CSMD1: variants seen among roughly 807,000 people sequenced by gnomAD.
The protein encoded by CSMD1 is CUB and sushi domain-containing protein 1.
A neutral mutation model predicts 417.5 loss-of-function variants in CSMD1; 213 were observed. The observed-to-expected ratio is 0.51, with a 90% CI of 0.46 to 0.57. The LOEUF is 0.57. Ranked by LOEUF, CSMD1 falls within the 20% of genes least tolerant of loss-of-function variation. The probability of loss-of-function intolerance (pLI) is 0.00; values close to 1 mark genes in which losing one functional copy is unlikely to be tolerated. For missense variants in CSMD1, 6,923 were observed against 4,529.7 expected, an observed-to-expected ratio of 1.53 and a Z score of -15.17; for synonymous variants, 2,862 against 1,736.8, an observed-to-expected ratio of 1.65 and a Z score of -16.11.
At position 4,669,815 on chromosome 8, in the gene CSMD1, T is replaced by C. The variant is rs931151843; in HGVS notation, c.86-32257A>G. Reference sequence around the variant, plus strand: ...GGAGAATGATTTAAGTAGCAATATTTGGAAAGACATCCAAGAAGAATGGTT... The same window carrying C: ...GGAGAATGATTTAAGTAGCAATATTCGGAAAGACATCCAAGAAGAATGGTT... On this transcript the variant is annotated intron_variant, in intron 1 of 69. Coordinates refer to ENST00000635120, the MANE Select transcript of CSMD1 (RefSeq NM_033225.6). Among the ~76,000 whole-genome samples the C allele has an allele frequency of 3.9e-5, 6 of 152,334 alleles. No homozygotes were observed. The East Asian group carries it at 7.7e-4, about 20-fold the overall frequency.
intron 5 of CSMD1, among the ~76,000 whole-genome samples, chr8:3,981,500 T>TA (rs200296436): frequency 0.13 from 14,236 of 113,604 alleles, 1,037 homozygotes; most frequent in African/African-American, 0.16. Context: ...TAGAAAAAAG[T>TA]AAAAAAAAAA....
At chr8:3,286,600 T>C (rs1352974118) in intron 25 of CSMD1, among the ~76,000 whole-genome samples, 2 of 152,206 alleles carry the variant, frequency 1.3e-5, no homozygotes, top group East Asian at 3.9e-4. Flanking sequence ...TTTTTTCATA[T>C]GTTTTTTGGC....
intron 25 of CSMD1, among the ~76,000 whole-genome samples, chr8:3,298,968 C>G (rs1804177432): frequency 1.3e-5 from 2 of 152,134 alleles, no homozygotes; most frequent in Non-Finnish European, 2.9e-5. Context: ...GAGAAGCTTA[C>G]ACAGAAAAAC....
intron 5 of CSMD1, among the ~76,000 whole-genome samples, chr8:3,776,980 C>T (rs1008337126): frequency 6.6e-6 from 1 of 151,992 alleles, no homozygotes; most frequent in African/African-American, 2.4e-5. Flanking sequence ...TCCCATAGTG[C>T]TGGGATTACA....
At chr8:3,611,531 T>C (rs1801894254) in intron 8 of CSMD1, among the ~76,000 whole-genome samples, 1 of 151,700 alleles carries the variant, frequency 6.6e-6, no homozygotes, top group Admixed American at 6.6e-5. Flanking sequence ...TCAAGGAAAA[T>C]GACAAAATTT....
At chr8:3,459,838 A>G (rs1210054118) in intron 12 of CSMD1, among the ~76,000 whole-genome samples, 2 of 152,136 alleles carry the variant, frequency 1.3e-5, no homozygotes, top group African/African-American at 4.8e-5. Flanking sequence ...ACTGGGCTAT[A>G]ATTCCTCAAA....
chr8:2,944,742 T>C (rs974472953), intron 68 of CSMD1, among the ~76,000 whole-genome samples: 2 of 152,220 alleles, frequency 1.3e-5, no homozygotes, highest in Non-Finnish European at 2.9e-5. Flanking sequence ...AAATATCTTT[T>C]AGTTTCCATT....
chr8:4,012,542 C>G (rs763394795), intron 4 of CSMD1, among the ~76,000 whole-genome samples: 1 of 152,130 alleles, frequency 6.6e-6, no homozygotes, highest in African/African-American at 2.4e-5. Context: ...GTGATCACAG[C>G]ACCTGGCAGG....
intron 7 of CSMD1, among the ~76,000 whole-genome samples, chr8:3,631,535 T>C (rs1047863646): frequency 2.6e-5 from 4 of 152,116 alleles, no homozygotes; most frequent in African/African-American, 9.7e-5. Context: ...AGGAAAATGT[T>C]CCAAAATAGA....
At chr8:3,301,949 A>G (rs975302920) in intron 25 of CSMD1, among the ~76,000 whole-genome samples, 3 of 152,114 alleles carry the variant, frequency 2.0e-5, no homozygotes, top group Admixed American at 1.3e-4. Flanking sequence ...CTTTTTTTTC[A>G]GTGTCTCGTC....
chr8:3,386,171 G>A (rs1020677892), intron 18 of CSMD1, among the ~76,000 whole-genome samples: 1 of 152,124 alleles, frequency 6.6e-6, no homozygotes, highest in Non-Finnish European at 1.5e-5. Flanking sequence ...AAAGAAAAAT[G>A]CCTCAGCTCA....
intron 3 of CSMD1, among the ~76,000 whole-genome samples, chr8:4,063,599 C>T (rs1344901728): frequency 6.6e-6 from 1 of 152,144 alleles, no homozygotes; most frequent in Non-Finnish European, 1.5e-5. Flanking sequence ...GACAAGGTGC[C>T]ACGTACGTTT....
chr8:4,087,867 A>G (rs1012777458), intron 3 of CSMD1, among the ~76,000 whole-genome samples: 2 of 152,082 alleles, frequency 1.3e-5, no homozygotes, highest in African/African-American at 2.4e-5. Context: ...ACCTAGGTGA[A>G]TTTCTACCCT....
At chr8:3,317,729 T>A (rs1457900161) in intron 23 of CSMD1, among the ~76,000 whole-genome samples, 1 of 152,240 alleles carries the variant, frequency 6.6e-6, no homozygotes, top group Non-Finnish European at 1.5e-5. Context: ...TCATGCCTTG[T>A]ACACATTTTA....
chr8:3,849,949 G>A (rs184167545), intron 5 of CSMD1, among the ~76,000 whole-genome samples: 241 of 144,156 alleles, frequency 1.7e-3, no homozygotes, highest in Middle Eastern at 7.0e-3. Context: ...CAAGTAGCTG[G>A]GAATTACAGG....
chr8:4,045,730 C>A (rs540380237), intron 3 of CSMD1, among the ~76,000 whole-genome samples: 1 of 152,152 alleles, frequency 6.6e-6, no homozygotes, highest in Admixed American at 6.5e-5. Flanking sequence ...TAAAATAAAA[C>A]GTGTGAACAC....
intron 2 of CSMD1, among the ~76,000 whole-genome samples, chr8:4,614,644 T>G (rs1258316314): frequency 6.6e-6 from 1 of 151,718 alleles, no homozygotes; most frequent in Non-Finnish European, 1.5e-5. Flanking sequence ...TACACACACA[T>G]ACAAACGTGC....
intron 3 of CSMD1, among the ~76,000 whole-genome samples, chr8:4,410,691 TAATA>T (rs529628132): frequency 1.3e-5 from 2 of 152,126 alleles, no homozygotes; most frequent in South Asian, 2.1e-4. Context: ...GGAAAAAAAT[TAATA>T]AAAAAATCTT....
At chr8:4,744,890 A>G (rs1010542450) in intron 1 of CSMD1, among the ~76,000 whole-genome samples, 2 of 152,178 alleles carry the variant, frequency 1.3e-5, no homozygotes, top group Non-Finnish European at 2.9e-5. Flanking sequence ...TTTTTTCACC[A>G]TAATTCTAAT....
Sources: gnomAD v4.1 joint callset for allele counts (sites outside exome capture counted in the v4.1 genomes callset) on GRCh38, gnomAD v4.1.1 for gene constraint, MANE v1.5 for transcripts, NCBI Gene and HGNC (gene_info 2026-07-23, HGNC 2026-07-21) for gene names.